Variants in ATG4C observed in about 807,000 individuals in gnomAD.
The protein encoded by ATG4C is autophagy related 4C cysteine peptidase, also known as cysteine protease ATG4C.
In ATG4C, 56 loss-of-function variants were observed where a neutral mutation model predicts 57.6. That is an observed-to-expected ratio of 0.97 (90% CI 0.78 to 1.21). The LOEUF (loss-of-function observed/expected upper bound fraction) is 1.21, where lower values mean the gene tolerates loss of function less well. Ranked by LOEUF, ATG4C falls within the 50% of genes most tolerant of loss-of-function variation. The probability of loss-of-function intolerance (pLI) is 0.00; values close to 1 mark genes in which losing one functional copy is unlikely to be tolerated. For missense variants in ATG4C, 595 were observed against 529.8 expected (o/e 1.12, Z -1.21); for synonymous variants, 157 against 174.1 (o/e 0.90, Z 0.78).
intron 6 of ATG4C, among the ~76,000 whole-genome samples, chr1:62,825,009 AG>A (rs1665601817): frequency 6.6e-6 from 1 of 151,952 alleles, no homozygotes; most frequent in African/African-American, 2.4e-5. Flanking sequence ...AAACCAAGGC[AG>A]GGGGATCAGA....
At chr1:62,844,755 C>T (rs1666277844) in intron 10 of ATG4C, among the ~76,000 whole-genome samples, 2 of 151,798 alleles carry the variant, frequency 1.3e-5, no homozygotes, top group African/African-American at 4.8e-5. Context: ...GTGTATCATA[C>T]CCATACTTTA....
chr1:62,787,285 G>T (rs923201576), intron 1 of ATG4C, among the ~76,000 whole-genome samples: 1 of 152,034 alleles, frequency 6.6e-6, no homozygotes, highest in Non-Finnish European at 1.5e-5. Flanking sequence ...CAGGGGTGGG[G>T]TTCTACATGA....
chr1:62,857,120 C>G (rs1666708276), intron 10 of ATG4C, among the ~76,000 whole-genome samples: 2 of 152,110 alleles, frequency 1.3e-5, no homozygotes, highest in African/African-American at 4.8e-5. Flanking sequence ...ACAGGGGCCC[C>G]CAGCCCCTGG....
chr1:62,828,034 C>T (rs7512374), intron 6 of ATG4C, among the ~76,000 whole-genome samples: 68,001 of 151,974 alleles, frequency 0.45, 15,327 homozygotes, highest in East Asian at 0.67. Context: ...GTATATGTAC[C>T]ACATTTTCTT....
At chr1:62,830,799 A>G (rs898079690) in intron 7 of ATG4C, among the ~76,000 whole-genome samples, 9 of 152,164 alleles carry the variant, frequency 5.9e-5, no homozygotes, top group African/African-American at 2.2e-4. Context: ...GAAATGAACT[A>G]TGGTTAAGCT....
chr1:62,822,909 C>CT (rs1377788095), intron 6 of ATG4C, among the ~76,000 whole-genome samples: 1 of 152,192 alleles, frequency 6.6e-6, no homozygotes, highest in African/African-American at 2.4e-5. Flanking sequence ...AATCCCAGCA[C>CT]TTTGACAGGC....
At chr1:62,841,611 A>G (rs1666170237) in intron 10 of ATG4C, 64 bp downstream of exon 10, 2 of 1,323,308 alleles carry the variant, frequency 1.5e-6, no homozygotes, top group African/African-American at 3.0e-5. Flanking sequence ...GACTGTCAGA[A>G]AGCAAAAACC....
intron 1 of ATG4C, among the ~76,000 whole-genome samples, chr1:62,785,425 AT>A (rs1182792098): frequency 6.6e-6 from 1 of 152,230 alleles, no homozygotes; most frequent in Non-Finnish European, 1.5e-5. Context: ...AAAGAATTGT[AT>A]AATTTAGCAA....
intron 4 of ATG4C, among the ~76,000 whole-genome samples, chr1:62,817,371 G>T (rs1254859096): frequency 6.6e-6 from 1 of 151,868 alleles, no homozygotes; most frequent in Non-Finnish European, 1.5e-5. Context: ...TTAGCAATAG[G>T]GTCTCACTCT....
At chr1:62,823,726 T>C (rs1178397189) in intron 6 of ATG4C, among the ~76,000 whole-genome samples, 1 of 152,236 alleles carries the variant, frequency 6.6e-6, no homozygotes, top group East Asian at 1.9e-4. Context: ...TAAAATATTT[T>C]CCGCCCTCAG....
intron 10 of ATG4C, among the ~76,000 whole-genome samples, chr1:62,842,808 A>C (rs558439720): frequency 1.3e-5 from 2 of 152,320 alleles, no homozygotes; most frequent in African/African-American, 4.8e-5. Flanking sequence ...CATTTCTCAC[A>C]GTTGTTCTCT....
intron 5 of ATG4C, among the ~76,000 whole-genome samples, chr1:62,820,351 C>G (rs1453917618): frequency 6.6e-6 from 1 of 152,056 alleles, no homozygotes; most frequent in Non-Finnish European, 1.5e-5. Context: ...TCCCTTAAAA[C>G]TGTCAAAAAC....
At chr1:62,850,610 C>T (rs973168462) in intron 10 of ATG4C, among the ~76,000 whole-genome samples, 3 of 151,788 alleles carry the variant, frequency 2.0e-5, no homozygotes, top group African/African-American at 4.8e-5. Flanking sequence ...GATCAGTGCC[C>T]GCCCCTGTTT....
At chr1:62,810,852 A>G (rs981650680) in intron 3 of ATG4C, among the ~76,000 whole-genome samples, 9 of 152,198 alleles carry the variant, frequency 5.9e-5, no homozygotes, top group African/African-American at 2.2e-4. Context: ...TTTTCTTATA[A>G]AGGCATGAAT....
chr1:62,811,889 T>G (rs577792599), intron 3 of ATG4C, among the ~76,000 whole-genome samples: 102 of 152,290 alleles, frequency 6.7e-4, no homozygotes, highest in Non-Finnish European at 1.1e-3. Flanking sequence ...CAACTTCATT[T>G]CATTATAACA....
chr1:62,829,451 TAC>T (rs1161887388), intron 7 of ATG4C, among the ~76,000 whole-genome samples: 1 of 152,124 alleles, frequency 6.6e-6, no homozygotes, highest in Non-Finnish European at 1.5e-5. Flanking sequence ...GTAATATAGT[TAC>T]AGTTTCATTA....
intron 3 of ATG4C, among the ~76,000 whole-genome samples, chr1:62,808,569 T>C (rs1462158277): frequency 1.3e-5 from 2 of 152,044 alleles, no homozygotes; most frequent in South Asian, 4.1e-4. Context: ...TGAATTAAAC[T>C]GAGAAAGGAA....
At chr1:62,786,409 G>A (rs1664084366) in intron 1 of ATG4C, among the ~76,000 whole-genome samples, 1 of 151,978 alleles carries the variant, frequency 6.6e-6, no homozygotes, top group Non-Finnish European at 1.5e-5. Flanking sequence ...TTTTACGGGA[G>A]TGTTTTAGAA....
chr1:62,829,232 A>G (rs1665765853), intron 7 of ATG4C, 56 bp downstream of exon 7: 1 of 1,583,054 alleles, frequency 6.3e-7, no homozygotes, highest in African/African-American at 1.4e-5. Context: ...TGAAAAATAT[A>G]GAAGGTTTGC....
Sources: gnomAD v4.1 joint callset for allele counts (sites outside exome capture counted in the v4.1 genomes callset) on GRCh38, gnomAD v4.1.1 for gene constraint, MANE v1.5 for transcripts, NCBI Gene and HGNC (gene_info 2026-07-23, HGNC 2026-07-21) for gene names.